Variants in RAP1B observed in about 807,000 individuals in gnomAD.
The protein encoded by RAP1B is RAP1B, member of RAS oncogene family.
RAP1B carries 1 observed loss-of-function variant against 27.5 expected under a neutral mutation model. The observed-to-expected ratio is 0.04, with a 90% CI of 0.01 to 0.17. RAP1B has a LOEUF of 0.17. RAP1B is among the 10% of genes least tolerant of loss of function. The probability of loss-of-function intolerance (pLI) is 1.00; values close to 1 mark genes in which losing one functional copy is unlikely to be tolerated. For synonymous variants in RAP1B, 75 were observed against 73.1 expected, an observed-to-expected ratio of 1.03 and a Z score of -0.13; for missense variants, 84 against 214.8, an observed-to-expected ratio of 0.39 and a Z score of 3.81.
intron 4 of RAP1B, among the ~76,000 whole-genome samples, chr12:68,653,444 G>A (rs148592315): frequency 3.3e-5 from 5 of 150,350 alleles, no homozygotes; most frequent in Non-Finnish European, 7.4e-5. Context: ...TCATGCTGAT[G>A]GAGCCCTACA....
At chr12:68,626,449 A>G (rs915332736) in intron 1 of RAP1B, among the ~76,000 whole-genome samples, 5 of 152,066 alleles carry the variant, frequency 3.3e-5, no homozygotes, top group African/African-American at 1.2e-4. Flanking sequence ...GGCGTTTTTG[A>G]TGGTATCTTT....
At position 68,665,784 on chromosome 12, in the gene RAP1B, C is replaced by T. The variant is rs570394685; in HGVS notation, c.*6535C>T. ...TAATTAGTACCAGGTCTATGTATAT[C>T]TGCAGCAACTATAAAGTCTGTTTCA... On this transcript the variant is annotated 3_prime_UTR_variant, in exon 8 of 8. Coordinates refer to ENST00000250559, the MANE Select transcript of RAP1B (RefSeq NM_001010942.3). The T allele has an allele frequency of 6.6e-6, 1 of 152,000 alleles. No individual in the cohort carries two copies. The highest frequency in any genetic ancestry group is 2.1e-4 in the South Asian group (1 of 4,814). The allele number at this position is 152,000 out of a possible 1,614,324, so 9.4% of individuals were successfully genotyped here. A position where few individuals can be genotyped will look rare whatever the true frequency, so the allele number is the denominator to read the frequency against.
chr12:68,612,288 G>A (rs1870660552), intron 1 of RAP1B, among the ~76,000 whole-genome samples: 1 of 152,060 alleles, frequency 6.6e-6, no homozygotes, highest in African/African-American at 2.4e-5. Context: ...GTTTGGACTT[G>A]CTCAACAAGA....
At chr12:68,619,939 T>C (rs964845509) in intron 1 of RAP1B, among the ~76,000 whole-genome samples, 7 of 152,178 alleles carry the variant, frequency 4.6e-5, no homozygotes, top group African/African-American at 1.7e-4. Context: ...TGCTCATCTA[T>C]AGACAGAATT....
intron 1 of RAP1B, among the ~76,000 whole-genome samples, chr12:68,632,784 G>A (rs117226073): frequency 2.0e-5 from 3 of 152,102 alleles, no homozygotes; most frequent in South Asian, 4.1e-4. Context: ...TTTACAAAAG[G>A]CTTCAGATAA....
intron 1 of RAP1B, 26 bp from the exon 2 acceptor site, chr12:68,648,673 T>C (rs1592460328): frequency 1.1e-5 from 16 of 1,469,714 alleles, no homozygotes; most frequent in Middle Eastern, 1.7e-4. Flanking sequence ...TACTTAGAAT[T>C]CTTTTTTTTT....
In RAP1B at chr12:68,669,304, AT is replaced by A. The variant is rs1345835588; in HGVS notation, c.*10057del. The A allele has an allele frequency of 6.6e-6, 1 of 152,242 alleles. No homozygotes were observed. The highest frequency in any genetic ancestry group is 2.4e-5 in the African/African-American group (1 of 41,470). The allele number at this position is 152,242 out of a possible 1,614,324, so 9.4% of individuals were successfully genotyped here. A position where few individuals can be genotyped will look rare whatever the true frequency, so the allele number is the denominator to read the frequency against. ...GGAAGATAATATCATAAAAATATCAATTCCCCCAAATTAGCATGTTAATGTA... is the reference window on the plus strand; with the variant it reads ...GGAAGATAATATCATAAAAATATCAATCCCCCAAATTAGCATGTTAATGTA... On this transcript the variant is annotated 3_prime_UTR_variant, in exon 8 of 8. Transcript: ENST00000250559.
intron 5 of RAP1B, among the ~76,000 whole-genome samples, chr12:68,655,905 T>C (rs1308825931): frequency 6.6e-6 from 1 of 152,220 alleles, no homozygotes; most frequent in African/African-American, 2.4e-5. Context: ...CCGTCCATTA[T>C]GATAAAATTT....
chr12:68,657,049 G>C, intron 6 of RAP1B, 52 bp from the exon 7 acceptor site: 1 of 1,387,242 alleles, frequency 7.2e-7, no homozygotes. Context: ...TTTTTTCATT[G>C]GGGGGGATAG....
intron 1 of RAP1B, among the ~76,000 whole-genome samples, chr12:68,613,504 A>G (rs535630011): frequency 6.6e-6 from 1 of 151,910 alleles, no homozygotes; most frequent in South Asian, 2.1e-4. Context: ...GACACGCATT[A>G]CTTCCTGCCT....
chr12:68,616,920 G>A (rs925127970), intron 1 of RAP1B, among the ~76,000 whole-genome samples: 2 of 152,160 alleles, frequency 1.3e-5, no homozygotes, highest in Admixed American at 6.5e-5. Flanking sequence ...GATTGCCGAA[G>A]TGGTGGATTG....
Position 68,666,697 on chromosome 12 carries a change from G to C in RAP1B, c.*7448G>C, listed in dbSNP as rs1874869025. On this transcript the variant is annotated 3_prime_UTR_variant, in exon 8 of 8. Transcript: ENST00000250559. ...TAAAGTTAACAGACAGAAGTTTGGG[G>C]GTTGGGATGTGGACATGCCTTTGGG... 2.0e-5 allele frequency: 3 copies of C among 152,172 alleles called. No individual in the cohort carries two copies. Among genetic ancestry groups the C allele is most frequent in the Non-Finnish European group, 4.4e-5 (3 of 68,044 alleles). The allele number at this position is 152,172 out of a possible 1,614,324, so 9.4% of individuals were successfully genotyped here.
At position 68,660,203 on chromosome 12, in the gene RAP1B, A is replaced by G. The variant is rs1261777909; in HGVS notation, c.*954A>G. Reference sequence around the variant, plus strand: ...TGTAACGTTTTGGTTGAGATGTTAAATGGTGGACGAGTACTGTGGATGTGA... The same window carrying G: ...TGTAACGTTTTGGTTGAGATGTTAAGTGGTGGACGAGTACTGTGGATGTGA... On this transcript the variant is annotated 3_prime_UTR_variant, in exon 8 of 8. Coordinates refer to ENST00000250559, the MANE Select transcript of RAP1B (RefSeq NM_001010942.3). 1 of 119,174 alleles carries G rather than the reference A, an allele frequency of 8.4e-6. No homozygotes were observed. The highest frequency in any genetic ancestry group is 3.3e-5 in the African/African-American group (1 of 29,886). The allele number at this position is 119,174 out of a possible 1,614,324, so 7.4% of individuals were successfully genotyped here.
In RAP1B at chr12:68,628,615, A is replaced by G. The variant is rs182547631; in HGVS notation, c.-27+17572A>G. On this transcript the variant is annotated intron_variant, in intron 1 of 7. Coordinates refer to ENST00000250559, the MANE Select transcript of RAP1B (RefSeq NM_001010942.3). ...TGTGAGAGAAAAGTACAAGAATGAG[A>G]CTGGGGCAAACTGCTTTTCCAGAAA... 2.6e-3 allele frequency among the ~76,000 whole-genome samples: 391 copies of G among 152,328 alleles called. 3 individuals carry two copies. Among genetic ancestry groups the G allele is most frequent in the African/African-American group, 9.0e-3 (373 of 41,576 alleles).
chr12:68,641,731 A>G (rs930159663), intron 1 of RAP1B, among the ~76,000 whole-genome samples: 2 of 152,194 alleles, frequency 1.3e-5, no homozygotes, highest in Non-Finnish European at 2.9e-5. Context: ...AAAGATAAAT[A>G]GAAGAAATAC....
rs1874731823 is a variant in RAP1B at position 68,663,835 on chromosome 12, A to G, written c.*4586A>G. On this transcript the variant is annotated 3_prime_UTR_variant, in exon 8 of 8. Transcript: ENST00000250559. Reference sequence around the variant, plus strand: ...GAGGTACAGCAGGGATTTTCTGCCCACGTGGGGAAAACACACAGCAAATGA... The same window carrying G: ...GAGGTACAGCAGGGATTTTCTGCCCGCGTGGGGAAAACACACAGCAAATGA... The G allele has an allele frequency of 6.6e-6, 1 of 152,198 alleles. No individual in the cohort carries two copies. Among genetic ancestry groups the G allele is most frequent in the Non-Finnish European group, 1.5e-5 (1 of 68,028 alleles). 9.4% of individuals were successfully genotyped at this position (152,198 alleles called of 1,614,324 possible).
At chr12:68,614,473 T>A (rs1870835886) in intron 1 of RAP1B, among the ~76,000 whole-genome samples, 1 of 152,196 alleles carries the variant, frequency 6.6e-6, no homozygotes, top group Admixed American at 6.5e-5. Context: ...ATTTATGAAT[T>A]AGCTATTTAC....
chr12:68,637,177 T>A (rs1872683613), intron 1 of RAP1B, among the ~76,000 whole-genome samples: 1 of 152,206 alleles, frequency 6.6e-6, no homozygotes, highest in South Asian at 2.1e-4. Flanking sequence ...CCAAAATAAG[T>A]ACTACCCTGC....
chr12:68,647,383 CCCCG>C (rs1199553646), intron 1 of RAP1B, among the ~76,000 whole-genome samples: 19 of 10,160 alleles, frequency 1.9e-3, no homozygotes, highest in Non-Finnish European at 3.0e-3. Context: ...CCACTCCACT[CCCCG>C]CCCCCCCCCC....
Sources: gnomAD v4.1 joint callset for allele counts (sites outside exome capture counted in the v4.1 genomes callset) on GRCh38, gnomAD v4.1.1 for gene constraint, MANE v1.5 for transcripts, NCBI Gene and HGNC (gene_info 2026-07-23, HGNC 2026-07-21) for gene names.